Variants in FAM20C observed in about 807,000 individuals in gnomAD.
The protein encoded by FAM20C is FAM20C golgi associated secretory pathway kinase, also known as extracellular serine/threonine protein kinase FAM20C.
In FAM20C, 40 loss-of-function variants were observed where a neutral mutation model predicts 51.5. The ratio of observed to expected loss-of-function variants is 0.78; its 90% CI spans 0.60 to 1.01. FAM20C has a LOEUF of 1.01. FAM20C is among the 50% of genes least tolerant of loss of function. The pLI is 0.00. For synonymous variants in FAM20C, 406 were observed against 380.6 expected (o/e 1.07, Z -0.78); for missense variants, 861 against 844.7 (o/e 1.02, Z -0.24).
intron 3 of FAM20C, among the ~76,000 whole-genome samples, chr7:214,999 C>A (rs1248968900): frequency 1.3e-5 from 2 of 152,060 alleles, no homozygotes; most frequent in Admixed American, 6.5e-5. Context: ...GTGGTCTGAC[C>A]TCTGGACGTG....
chr7:258,764 A>G (rs975818640), intron 9 of FAM20C, 59 bp downstream of exon 9: 3 of 1,456,552 alleles, frequency 2.1e-6, no homozygotes, highest in African/African-American at 2.8e-5. Context: ...CGCAGGAGAC[A>G]GAGGAGGCCA....
chr7:194,101 A>G (rs532033531), intron 1 of FAM20C: 207 of 380,742 alleles, frequency 5.4e-4, no homozygotes, highest in Middle Eastern at 4.8e-3. Flanking sequence ...AGCTTGGGAA[A>G]TGGGGTCAGG....
At chr7:236,725 G>A (rs1349204452) in intron 3 of FAM20C, among the ~76,000 whole-genome samples, 1 of 150,924 alleles carries the variant, frequency 6.6e-6, no homozygotes, top group East Asian at 1.9e-4. Flanking sequence ...TGAGGCGGGT[G>A]CCCTGGAATC....
intron 3 of FAM20C, among the ~76,000 whole-genome samples, chr7:217,383 T>TA: frequency 6.6e-6 from 1 of 151,850 alleles, no homozygotes; most frequent in African/African-American, 2.4e-5. Context: ...TGGCTGTGGG[T>TA]GAGCTCCAGC....
At chr7:243,767 A>T (rs867352970) in intron 3 of FAM20C, among the ~76,000 whole-genome samples, 1 of 149,138 alleles carries the variant, frequency 6.7e-6, no homozygotes, top group African/African-American at 2.5e-5. Flanking sequence ...TGTGCCACCC[A>T]GGAGACCTGG....
At chr7:237,823 G>T (rs1360503197) in intron 3 of FAM20C, among the ~76,000 whole-genome samples, 1 of 20,256 alleles carries the variant, frequency 4.9e-5, no homozygotes, top group Admixed American at 4.5e-4. Context: ...GATCATGGTA[G>T]AGGTAATAGT....
intron 9 of FAM20C, among the ~76,000 whole-genome samples, 161 bp from the exon 10 acceptor site, chr7:259,570 C>CCG (rs1788797709): frequency 2.3e-5 from 1 of 43,548 alleles, no homozygotes; most frequent in Non-Finnish European, 4.4e-5. Context: ...GTCTCTCTTT[C>CCG]TCTGTGTATG....
intron 1 of FAM20C, 119 bp from the exon 2 acceptor site, chr7:195,435 C>T: frequency 1.0e-6 from 1 of 998,338 alleles, no homozygotes; most frequent in Non-Finnish European, 1.3e-6. Flanking sequence ...GCGCCTTCAA[C>T]ACATCTGCAC....
intron 3 of FAM20C, among the ~76,000 whole-genome samples, chr7:231,181 G>A (rs1787658777): frequency 6.6e-6 from 1 of 152,204 alleles, no homozygotes; most frequent in African/African-American, 2.4e-5. Flanking sequence ...CAACCATCAT[G>A]CAGACGGGAG....
intron 3 of FAM20C, 78 bp from the exon 4 acceptor site, chr7:246,337 C>G: frequency 8.2e-7 from 1 of 1,225,352 alleles, no homozygotes; most frequent in Non-Finnish European, 1.2e-6. Flanking sequence ...ATGAGGAACC[C>G]AGCACGTCCC....
At chr7:258,252 G>C (rs1562401706) in intron 8 of FAM20C, among the ~76,000 whole-genome samples, 6 of 83,644 alleles carry the variant, frequency 7.2e-5, no homozygotes, top group African/African-American at 1.8e-4. Context: ...CCCACTGCCT[G>C]AGGTGCTGGA....
intron 5 of FAM20C, 33 bp from the exon 6 acceptor site, chr7:255,806 AGCCCTGTGCG>A: frequency 6.5e-7 from 1 of 1,534,600 alleles, no homozygotes; most frequent in African/African-American, 1.4e-5. Context: ...GTGAGGACGC[AGCCCTGTGCG>A]GCCCTGGTAA....
At chr7:255,231 C>T (rs896222385) in intron 5 of FAM20C, among the ~76,000 whole-genome samples, 1 of 152,202 alleles carries the variant, frequency 6.6e-6, no homozygotes. Context: ...TGGCGGTTCC[C>T]CCGTCCCAGC....
intron 3 of FAM20C, among the ~76,000 whole-genome samples, chr7:212,726 A>G (rs1786780470): frequency 1.3e-5 from 2 of 152,216 alleles, no homozygotes; most frequent in Admixed American, 6.5e-5. Flanking sequence ...TAGCCGGCAC[A>G]TCAACCCAAG....
chr7:237,700 GATA>G (rs1288118006), intron 3 of FAM20C, among the ~76,000 whole-genome samples: 1 of 145,066 alleles, frequency 6.9e-6, no homozygotes, highest in Non-Finnish European at 1.5e-5. Context: ...AGCTAATGGT[GATA>G]ATGATGATAA....
chr7:204,911 G>A (rs1020659150), intron 2 of FAM20C, among the ~76,000 whole-genome samples: 7 of 151,090 alleles, frequency 4.6e-5, no homozygotes, highest in East Asian at 3.9e-4. Flanking sequence ...CGCTGTTCTC[G>A]GTGCTCGGGG....
intron 2 of FAM20C, among the ~76,000 whole-genome samples, chr7:204,889 T>C: frequency 6.8e-6 from 1 of 147,658 alleles, no homozygotes; most frequent in African/African-American, 2.5e-5. Context: ...CCATGGTGAG[T>C]CCCCACACTG....
chr7:252,653 C>T (rs778774759), intron 5 of FAM20C, among the ~76,000 whole-genome samples: 25 of 152,184 alleles, frequency 1.6e-4, no homozygotes, highest in Non-Finnish European at 2.6e-4. Context: ...GGTGAGGGGG[C>T]GAGAGGTGGC....
rs577571212 is a variant in FAM20C, at chr7:206,403, C to T, written c.785-2495C>T. 2.3e-3 allele frequency among the ~76,000 whole-genome samples: 349 copies of T among 152,106 alleles called. 2 individuals carry two copies. Among genetic ancestry groups the T allele is most frequent in the Non-Finnish European group, 1.9e-3 (130 of 67,968 alleles). On this transcript the variant is annotated intron_variant, in intron 2 of 9. Coordinates refer to ENST00000313766, the MANE Select transcript of FAM20C (RefSeq NM_020223.4). The stretch of plus-strand genomic sequence containing the variant: ...GCCGCCCTTCCCTTTCCCTGGGACC[C>T]CCTGAGACCTGCTGGCTCACCAGCC...
Sources: gnomAD v4.1 joint callset for allele counts (sites outside exome capture counted in the v4.1 genomes callset) on GRCh38, gnomAD v4.1.1 for gene constraint, MANE v1.5 for transcripts, NCBI Gene and HGNC (gene_info 2026-07-23, HGNC 2026-07-21) for gene names.